MAST4: variants seen among roughly 807,000 people sequenced by gnomAD.
MAST4 encodes microtubule associated serine/threonine kinase family member 4.
A neutral mutation model predicts 162.7 loss-of-function variants in MAST4; 89 were observed. The ratio of observed to expected loss-of-function variants is 0.55; its 90% CI spans 0.46 to 0.65. The LOEUF (loss-of-function observed/expected upper bound fraction) is 0.65, where lower values mean the gene tolerates loss of function less well. MAST4 is among the 30% of genes least tolerant of loss of function. The pLI is 0.00. For missense variants in MAST4, 3,153 were observed against 3,374.0 expected (o/e 0.93, Z 1.62); for synonymous variants, 1,479 against 1,361.1 (o/e 1.09, Z -1.91).
intron 4 of MAST4, chr5:66,930,602 G>A (rs375921324): frequency 4.4e-5 from 18 of 413,436 alleles, no homozygotes; most frequent in East Asian, 4.3e-4. Flanking sequence ...GAAGAATTAG[G>A]AAGTTTAAAA....
intron 1 of MAST4, among the ~76,000 whole-genome samples, chr5:66,612,378 G>A (rs950384652): frequency 6.6e-6 from 1 of 152,182 alleles, no homozygotes; most frequent in African/African-American, 2.4e-5. Context: ...ATTATTGGTG[G>A]TGAGGTTTGG....
chr5:67,025,754 G>A (rs1392022241), intron 4 of MAST4, among the ~76,000 whole-genome samples: 2 of 152,206 alleles, frequency 1.3e-5, no homozygotes, highest in Non-Finnish European at 2.9e-5. Context: ...AAAGCCCGGA[G>A]TATATTAAAA....
intron 5 of MAST4, 58 bp from the exon 6 acceptor site, chr5:67,090,104 G>A (rs1763663247): frequency 1.5e-5 from 17 of 1,129,474 alleles, no homozygotes; most frequent in Non-Finnish European, 2.2e-5. Flanking sequence ...GAGAATTATT[G>A]ATGTGGAAAT....
chr5:66,621,965 G>A (rs879221582), intron 1 of MAST4, among the ~76,000 whole-genome samples: 5 of 152,106 alleles, frequency 3.3e-5, no homozygotes, highest in Admixed American at 1.3e-4. Flanking sequence ...TAGCCAATAC[G>A]TCCATGAAAG....
intron 1 of MAST4, among the ~76,000 whole-genome samples, chr5:66,668,727 T>G (rs1203403249): frequency 6.6e-6 from 1 of 152,244 alleles, no homozygotes; most frequent in Non-Finnish European, 1.5e-5. Flanking sequence ...TAATTTTGTT[T>G]AAGAGAATCT....
chr5:67,025,816 C>T (rs1754571120), intron 4 of MAST4, among the ~76,000 whole-genome samples: 1 of 152,194 alleles, frequency 6.6e-6, no homozygotes, highest in South Asian at 2.1e-4. Flanking sequence ...ACATCATGTG[C>T]CTCTGGAGGG....
chr5:67,166,311 C>A lies in MAST4; in HGVS notation c.7132C>A (p.Leu2378Ile). The A allele has an allele frequency of 1.3e-6, 2 of 1,580,772 alleles. No homozygotes were observed. The highest frequency in any genetic ancestry group is 1.7e-6 in the Non-Finnish European group (2 of 1,162,614). Residue 2378 changes from leucine to isoleucine, a missense_variant, in exon 29 of 29, where the codon CTT becomes ATT. By Grantham distance (5) the Leu-to-Ile change is conservative. Transcript: ENST00000403625. ...GGAAGGGAAGAAATGCACTGAAGCA[C>A]TTTATGCTCCAGCAGAGGGCGACAA... is the stretch of plus-strand genomic sequence containing the variant. ...RAEGKKCTEA[L>I]YAPAEGDKLE...
intron 3 of MAST4, chr5:66,829,020 G>A: frequency 1.3e-6 from 1 of 756,738 alleles, no homozygotes. Context: ...GCTATACGGA[G>A]TTTCTGGTTA....
intron 6 of MAST4, among the ~76,000 whole-genome samples, chr5:67,091,594 A>G (rs934877894): frequency 3.9e-5 from 6 of 152,220 alleles, no homozygotes; most frequent in Non-Finnish European, 7.3e-5. Flanking sequence ...AGTGTTTACT[A>G]TAGTCTTTAA....
intron 3 of MAST4, among the ~76,000 whole-genome samples, chr5:66,837,023 CATGTGT>C (rs929330959): frequency 9.0e-5 from 13 of 144,772 alleles, no homozygotes; most frequent in East Asian, 2.1e-4. Flanking sequence ...CATGCAGGAT[CATGTGT>C]GTGTGTGTGT....
chr5:66,691,995 A>G (rs911812795), intron 1 of MAST4, among the ~76,000 whole-genome samples: 4 of 152,186 alleles, frequency 2.6e-5, no homozygotes, highest in Non-Finnish European at 1.5e-5. Context: ...ATGTAGGTGT[A>G]AAAATTACAG....
Position 67,100,537 on chromosome 5 carries a change from G to A in MAST4, c.1015G>A (p.Ala339Thr), listed in dbSNP as rs377163944. 17 of 1,613,654 alleles carry A rather than the reference G, an allele frequency of 1.1e-5. No individual in the cohort carries two copies. The highest frequency in any genetic ancestry group is 6.7e-5 in the African/African-American group (5 of 74,850). Reference protein sequence around the residue: ...SKHFCTTESIATENRCRNTPM... With the variant: ...SKHFCTTESITTENRCRNTPM... Reference sequence around the variant, plus strand: ...ACATTTCTGTACCACCGAAAGCATCGCCACTGAGAACAGATGCAGGAACAC... The same window carrying A: ...ACATTTCTGTACCACCGAAAGCATCACCACTGAGAACAGATGCAGGAACAC... The change falls in exon 8 of 29, where the codon GCC (alanine) becomes ACC (threonine). Residue 339 changes from alanine (A) to threonine (T), a missense_variant. Physicochemically the swap from Ala to Thr is moderately conservative, Grantham distance 58. This residue lies in a region of MAST4 where 360 missense variants were observed against 450.0 expected (regional missense o/e 0.80). Coordinates refer to ENST00000403625, the MANE Select transcript of MAST4 (RefSeq NM_001164664.2).
At position 67,114,199 on chromosome 5, in the gene MAST4, T is replaced by C. The variant is rs746854146; in HGVS notation, c.1571T>C (p.Leu524Pro). Residue 524 changes from leucine to proline, a missense_variant, in exon 12 of 29, where the codon CTC becomes CCC. Physicochemically the swap from Leu to Pro is moderately conservative, Grantham distance 98. This residue lies in a region of MAST4 where 360 missense variants were observed against 450.0 expected (regional missense o/e 0.80). Transcript: ENST00000403625. ...IPRYIISQLGLNKDPLEEMAH... is the reference protein window; with the variant it reads ...IPRYIISQLGPNKDPLEEMAH... ...AGGTACATCATTAGCCAACTGGGAC[T>C]CAATAAGGATCCCTTGGAAGGTGAG... 1 of 1,611,600 alleles carries C rather than the reference T, an allele frequency of 6.2e-7. No individual in the cohort carries two copies. Among genetic ancestry groups the C allele is most frequent in the Non-Finnish European group, 8.5e-7 (1 of 1,179,118 alleles).
At position 66,696,737 on chromosome 5, in the gene MAST4, T is replaced by C. The variant is rs531845739; in HGVS notation, c.364-62972T>C. On this transcript the variant is annotated intron_variant, in intron 1 of 28. Transcript: ENST00000403625. ...AATTGTTTTTATAATAATACCGAGA[T>C]ATCATCTGCATTTTTTTTTTTACTG... 5.4e-5 allele frequency among the ~76,000 whole-genome samples: 7 copies of C among 129,454 alleles called. No individual in the cohort carries two copies. In the East Asian group the frequency reaches 1.6e-3, roughly 30 times the overall value. The allele number at this position is 129,454 out of a possible 152,430, so 84.9% of individuals were successfully genotyped here.
At chr5:66,650,527 A>G (rs1285765514) in intron 1 of MAST4, among the ~76,000 whole-genome samples, 2 of 152,202 alleles carry the variant, frequency 1.3e-5, no homozygotes, top group East Asian at 1.9e-4. Flanking sequence ...AAGCATAAGT[A>G]ATAGTATAAT....
chr5:66,865,056 G>A (rs541424104), intron 3 of MAST4, among the ~76,000 whole-genome samples: 1 of 152,340 alleles, frequency 6.6e-6, no homozygotes, highest in Non-Finnish European at 1.5e-5. Context: ...GAGATCAAGG[G>A]TGAGACAGTA....
chr5:66,986,356 A>T, intron 4 of MAST4: 3 of 901,872 alleles, frequency 3.3e-6, no homozygotes, highest in Non-Finnish European at 3.4e-6. Context: ...ATATGTTGTT[A>T]CACAGAGAAA....
At chr5:66,659,942 C>T (rs1400858162) in intron 1 of MAST4, among the ~76,000 whole-genome samples, 1 of 149,974 alleles carries the variant, frequency 6.7e-6, no homozygotes, top group Non-Finnish European at 1.5e-5. Flanking sequence ...CTTGTGAAGA[C>T]ATAGAGATGT....
intron 1 of MAST4, among the ~76,000 whole-genome samples, chr5:66,629,041 C>CAGATATTGAT (rs1055028440): frequency 6.6e-6 from 1 of 152,098 alleles, no homozygotes; most frequent in Non-Finnish European, 1.5e-5. Context: ...ACCTTCACAG[C>CAGATATTGAT]AGATATTGAT....
Sources: allele counts gnomAD v4.1 joint callset (sites outside exome capture counted in the v4.1 genomes callset), GRCh38; gene constraint gnomAD v4.1.1; regional missense constraint gnomAD v4.1.1; transcripts MANE v1.5; gene names NCBI Gene and HGNC (gene_info 2026-07-23, HGNC 2026-07-21).